Variants in PRMT9 observed in about 807,000 individuals in gnomAD.
The protein encoded by PRMT9 is protein arginine N-methyltransferase 9.
PRMT9 carries 59 observed loss-of-function variants against 83.2 expected under a neutral mutation model. That is an observed-to-expected ratio of 0.71 (90% CI 0.57 to 0.88). PRMT9 has a LOEUF of 0.88. Among genes scored for constraint, PRMT9 ranks in the 40% least tolerant of loss-of-function variants. The probability of loss-of-function intolerance (pLI) is 0.00; values close to 1 mark genes in which losing one functional copy is unlikely to be tolerated. For synonymous variants in PRMT9, 333 were observed against 353.2 expected, an observed-to-expected ratio of 0.94 and a Z score of 0.64; for missense variants, 947 against 1,021.9, an observed-to-expected ratio of 0.93 and a Z score of 1.00.
chr4:147,650,080 A>G (rs891474556), intron 9 of PRMT9, among the ~76,000 whole-genome samples: 5 of 152,216 alleles, frequency 3.3e-5, no homozygotes, highest in African/African-American at 1.2e-4. Flanking sequence ...TAACATCACC[A>G]CACTTAAAGA....
At chr4:147,663,165 C>T (rs1735086404) in intron 6 of PRMT9, among the ~76,000 whole-genome samples, 2 of 152,006 alleles carry the variant, frequency 1.3e-5, no homozygotes, top group African/African-American at 2.4e-5. Flanking sequence ...CCTGCCACCA[C>T]GCCTGGCTAC....
intron 9 of PRMT9, among the ~76,000 whole-genome samples, chr4:147,647,481 T>C (rs963843394): frequency 6.6e-6 from 1 of 151,936 alleles, no homozygotes; most frequent in Non-Finnish European, 1.5e-5. Context: ...TCGAAAAACA[T>C]GTCCCATTCT....
At chr4:147,643,038 T>A in intron 9 of PRMT9, 98 bp from the exon 10 acceptor site, 1 of 1,055,270 alleles carries the variant, frequency 9.5e-7, no homozygotes, top group Non-Finnish European at 1.5e-6. Context: ...GGTGGGTGGA[T>A]CACTTAAGCC....
At chr4:147,681,381 A>C (rs192356396) in intron 1 of PRMT9, among the ~76,000 whole-genome samples, 31 of 152,228 alleles carry the variant, frequency 2.0e-4, no homozygotes, top group Non-Finnish European at 4.6e-4. Context: ...CTGTGGAAAG[A>C]GGGAAAGCTT....
At chr4:147,670,554 T>A in intron 5 of PRMT9, 87 bp downstream of exon 5, 3 of 946,042 alleles carry the variant, frequency 3.2e-6, no homozygotes, top group East Asian at 2.4e-5. Context: ...ATATTTCATA[T>A]TGTTTTGTAA....
At chr4:147,681,908 G>A (rs1219839891) in intron 1 of PRMT9, among the ~76,000 whole-genome samples, 4 of 152,102 alleles carry the variant, frequency 2.6e-5, no homozygotes, top group African/African-American at 9.7e-5. Flanking sequence ...TTTTACAGGG[G>A]GCCCATACAA....
At chr4:147,650,724 C>G (rs564244133) in intron 9 of PRMT9, among the ~76,000 whole-genome samples, 3 of 152,174 alleles carry the variant, frequency 2.0e-5, no homozygotes, top group Non-Finnish European at 4.4e-5. Flanking sequence ...CACTTCCTGA[C>G]CTTAAACAAA....
intron 10 of PRMT9, among the ~76,000 whole-genome samples, chr4:147,642,062 T>C (rs1296971246): frequency 6.6e-6 from 1 of 152,192 alleles, no homozygotes; most frequent in Non-Finnish European, 1.5e-5. Flanking sequence ...CTCTGCAGTC[T>C]GATTTCTTAG....
chr4:147,643,728 C>G (rs777382938), intron 9 of PRMT9, among the ~76,000 whole-genome samples: 1 of 152,228 alleles, frequency 6.6e-6, no homozygotes, highest in Non-Finnish European at 1.5e-5. Flanking sequence ...GGCATGGTGG[C>G]TGATGCCTAT....
At chr4:147,679,877 A>C (rs1736348799) in intron 2 of PRMT9, among the ~76,000 whole-genome samples, 1 of 152,214 alleles carries the variant, frequency 6.6e-6, no homozygotes, top group South Asian at 2.1e-4. Context: ...AGCTTCCCCA[A>C]GGCTTCTTAC....
chr4:147,663,658 G>A (rs544134419), intron 6 of PRMT9, among the ~76,000 whole-genome samples: 2 of 152,054 alleles, frequency 1.3e-5, no homozygotes, highest in African/African-American at 4.8e-5. Context: ...GAGTCACTGC[G>A]CCCAGCCAGA....
Position 147,638,642 on chromosome 4 carries a change from T to G in PRMT9, c.2428A>C (p.Lys810Gln). ...TTATCTAAAACAACTGCAGCTTGTT[T>G]CCAGTGGGAGGCTTCACTTGAAGTA... is the stretch of plus-strand genomic sequence containing the variant. ...LDTSSEASHWKQAAVVLDNPI... is the reference protein window; with the variant it reads ...LDTSSEASHWQQAAVVLDNPI... Residue 810 changes from lysine to glutamine, a missense_variant, in exon 12 of 12, where the codon AAA becomes CAA. Transcript: ENST00000322396. 1 of 1,613,858 alleles carries G rather than the reference T, an allele frequency of 6.2e-7. No homozygotes were observed. The highest frequency in any genetic ancestry group is 8.5e-7 in the Non-Finnish European group (1 of 1,179,808).
chr4:147,641,904 C>T (rs537819147), intron 10 of PRMT9, among the ~76,000 whole-genome samples: 12 of 152,274 alleles, frequency 7.9e-5, no homozygotes, highest in African/African-American at 2.6e-4. Flanking sequence ...TCGAGCAATC[C>T]GCCCCACCTT....
At chr4:147,672,938 A>G (rs1411122497) in intron 4 of PRMT9, 21 bp downstream of exon 4, 1 of 1,603,086 alleles carries the variant, frequency 6.2e-7, no homozygotes, top group Admixed American at 1.7e-5. Flanking sequence ...TAAACACTAA[A>G]ATTAGTTTAC....
chr4:147,647,152 C>T (rs1733784199), intron 9 of PRMT9, among the ~76,000 whole-genome samples: 1 of 152,098 alleles, frequency 6.6e-6, no homozygotes, highest in African/African-American at 2.4e-5. Context: ...AAATGATACC[C>T]AGTCATTGTA....
chr4:147,683,916 C>T lies in PRMT9; in HGVS notation c.72G>A (p.Leu24=), dbSNP rs1276261831. The change falls in exon 1 of 12, where the codon CTG becomes CTA. Residue 24 remains leucine (L), a synonymous_variant. Coordinates refer to ENST00000322396, the MANE Select transcript of PRMT9 (RefSeq NM_138364.4). ...GGAGAAGRDE[L]VSRSLQSAEH... ...CTGCGCTCTGCAAGGACCGCGACAC[C>T]AGCTCGTCCCGGCCGGCTGCCCCAG... The T allele has an allele frequency of 1.2e-6, 2 of 1,613,230 alleles. No homozygotes were observed. Among genetic ancestry groups the T allele is most frequent in the Non-Finnish European group, 1.7e-6 (2 of 1,179,810 alleles).
intron 6 of PRMT9, among the ~76,000 whole-genome samples, chr4:147,667,610 G>T (rs1413855186): frequency 6.6e-6 from 1 of 152,104 alleles, no homozygotes; most frequent in Non-Finnish European, 1.5e-5. Context: ...ATATAACAAA[G>T]ATGAAAAGTA....
chr4:147,640,672 A>T (rs1481087443), intron 10 of PRMT9, among the ~76,000 whole-genome samples: 1 of 152,176 alleles, frequency 6.6e-6, no homozygotes, highest in African/African-American at 2.4e-5. Flanking sequence ...TCACCTAAAA[A>T]AAAAAGGAGT....
chr4:147,651,289 A>G (rs1337855213), intron 9 of PRMT9, among the ~76,000 whole-genome samples: 2 of 152,226 alleles, frequency 1.3e-5, no homozygotes, highest in African/African-American at 4.8e-5. Flanking sequence ...TCTGAAAGAC[A>G]ATACAGGAGA....
Sources: allele counts gnomAD v4.1 joint callset (sites outside exome capture counted in the v4.1 genomes callset), GRCh38; gene constraint gnomAD v4.1.1; transcripts MANE v1.5; gene names NCBI Gene and HGNC (gene_info 2026-07-23, HGNC 2026-07-21).